The following DDX10 variants were observed in gnomAD, a reference collection of about 807,000 sequenced individuals.
DDX10 encodes the protein probable ATP-dependent RNA helicase DDX10.
In DDX10, 74 loss-of-function variants were observed where a neutral mutation model predicts 104.3. The ratio of observed to expected loss-of-function variants is 0.71; its 90% CI spans 0.59 to 0.86. DDX10 has a LOEUF of 0.86. Among genes scored for constraint, DDX10 ranks in the 40% least tolerant of loss-of-function variants. DDX10 has a pLI of 0.00. For synonymous variants in DDX10, 351 were observed against 353.4 expected (o/e 0.99, Z 0.08); for missense variants, 952 against 1,040.0 (o/e 0.92, Z 1.16).
intron 9 of DDX10, among the ~76,000 whole-genome samples, chr11:108,701,841 A>G (rs998353179): frequency 3.3e-5 from 5 of 151,848 alleles, no homozygotes; most frequent in Admixed American, 2.6e-4. Flanking sequence ...GTGCGCCACC[A>G]TACCTGGCTA....
Position 108,866,048 on chromosome 11 carries a change from G to T in DDX10, c.2304+13839G>T, listed in dbSNP as rs552572473. Among the ~76,000 whole-genome samples the T allele has an allele frequency of 6.6e-5, 10 of 152,308 alleles. No homozygotes were observed. The South Asian group carries it at 2.1e-3, about 32-fold the overall frequency. ...TGTACAAACTTCAGCTCTTGAAGTT[G>T]TAGGTAATAATGTTATTCCCATTTA... On this transcript the variant is annotated intron_variant, in intron 16 of 17. Transcript: ENST00000322536.
intron 1 of DDX10, 99 bp from the exon 2 acceptor site, chr11:108,673,368 C>G (rs1380577258): frequency 2.1e-5 from 16 of 775,656 alleles, no homozygotes; most frequent in African/African-American, 3.5e-5. Flanking sequence ...GAATTCAACC[C>G]TGAATTACCA....
chr11:108,694,030 G>A (rs1443091247), intron 9 of DDX10, among the ~76,000 whole-genome samples: 3 of 152,260 alleles, frequency 2.0e-5, no homozygotes, highest in South Asian at 4.2e-4. Context: ...CAAGTGGGTG[G>A]GGTCTTAAGC....
chr11:108,834,876 C>T (rs997012335), intron 13 of DDX10, among the ~76,000 whole-genome samples: 7 of 129,026 alleles, frequency 5.4e-5, no homozygotes, highest in African/African-American at 1.2e-4. Flanking sequence ...TGCAGTGAGC[C>T]GAGATCGCGC....
chr11:108,856,379 C>T (rs1347164918), intron 16 of DDX10, among the ~76,000 whole-genome samples: 1 of 151,522 alleles, frequency 6.6e-6, no homozygotes, highest in African/African-American at 2.4e-5. Flanking sequence ...TGCAGTGAGC[C>T]GAGATTACGC....
intron 13 of DDX10, among the ~76,000 whole-genome samples, chr11:108,759,430 C>T (rs1411950579): frequency 6.6e-6 from 1 of 151,906 alleles, no homozygotes; most frequent in African/African-American, 2.4e-5. Context: ...TGAACTTACG[C>T]TAACCATCGC....
At chr11:108,838,410 C>A in intron 13 of DDX10, 36 bp from the exon 14 acceptor site, 1 of 1,587,774 alleles carries the variant, frequency 6.3e-7, no homozygotes, top group Non-Finnish European at 8.5e-7. Context: ...CAACCATTTT[C>A]CTAATCATCT....
intron 15 of DDX10, among the ~76,000 whole-genome samples, chr11:108,841,871 T>A (rs1225622679): frequency 6.6e-6 from 1 of 152,210 alleles, no homozygotes; most frequent in Non-Finnish European, 1.5e-5. Flanking sequence ...TTTTTGGAAT[T>A]GGCTTTTTTC....
chr11:108,927,900 A>T (rs1296319955), intron 17 of DDX10, among the ~76,000 whole-genome samples: 1 of 152,194 alleles, frequency 6.6e-6, no homozygotes, highest in Non-Finnish European at 1.5e-5. Flanking sequence ...TGGCCTCCCA[A>T]AGTGCAGGGA....
At chr11:108,757,835 T>G (rs770312848) in intron 13 of DDX10, among the ~76,000 whole-genome samples, 4 of 152,084 alleles carry the variant, frequency 2.6e-5, no homozygotes, top group Non-Finnish European at 5.9e-5. Flanking sequence ...GCTTGCTGTT[T>G]TTACTATCGA....
At chr11:108,763,790 A>G (rs906376315) in intron 13 of DDX10, among the ~76,000 whole-genome samples, 9 of 152,332 alleles carry the variant, frequency 5.9e-5, no homozygotes, top group Admixed American at 2.6e-4. Flanking sequence ...AATAAAAAGC[A>G]AAGAGTTTTT....
intron 17 of DDX10, among the ~76,000 whole-genome samples, chr11:108,936,778 A>T (rs943502733): frequency 6.6e-6 from 1 of 152,166 alleles, no homozygotes; most frequent in African/African-American, 2.4e-5. Flanking sequence ...CCTTGTGCCT[A>T]AATCTTTGTC....
chr11:108,700,703 G>T (rs1052222168), intron 9 of DDX10, among the ~76,000 whole-genome samples: 1 of 152,158 alleles, frequency 6.6e-6, no homozygotes, highest in African/African-American at 2.4e-5. Context: ...ACTAATGACC[G>T]TGTACCCTTG....
chr11:108,722,464 T>C (rs2094299451), intron 12 of DDX10, among the ~76,000 whole-genome samples: 2 of 152,200 alleles, frequency 1.3e-5, no homozygotes, highest in Admixed American at 1.3e-4. Context: ...ATAGCAATGA[T>C]TGTGCCATAT....
chr11:108,778,698 T>A (rs2094373573), intron 13 of DDX10, among the ~76,000 whole-genome samples: 1 of 152,074 alleles, frequency 6.6e-6, no homozygotes, highest in Non-Finnish European at 1.5e-5. Flanking sequence ...ACAAATGGGA[T>A]CTAATTAAAC....
Position 108,723,383 on chromosome 11 carries a change from A to C in DDX10, c.1886A>C (p.Glu629Ala). The C allele has an allele frequency of 6.2e-7, 1 of 1,614,020 alleles. No homozygotes were observed. ...VPTQFLDRDE[E>A]EEDADFLKVK... Reference sequence around the variant, plus strand: ...ACACAGTTCTTGGACAGAGATGAGGAGGAAGAAGATGCTGATTTCTTGAAG... The same window carrying C: ...ACACAGTTCTTGGACAGAGATGAGGCGGAAGAAGATGCTGATTTCTTGAAG... The change falls in exon 13 of 18, where the codon GAG becomes GCG. Residue 629 changes from glutamate to alanine, a missense_variant. Around this residue, in one of 3 missense-constraint regions of DDX10, gnomAD observed 533 missense variants for 534.1 expected, o/e 1.00. Coordinates refer to ENST00000322536, the MANE Select transcript of DDX10 (RefSeq NM_004398.4).
chr11:108,809,879 T>A (rs956203425), intron 13 of DDX10, among the ~76,000 whole-genome samples: 1 of 152,206 alleles, frequency 6.6e-6, no homozygotes, highest in African/African-American at 2.4e-5. Context: ...ATAGCAGGCA[T>A]GTCAAAAATT....
At chr11:108,689,618 T>G (rs750235840) in intron 7 of DDX10, among the ~76,000 whole-genome samples, 2 of 152,204 alleles carry the variant, frequency 1.3e-5, no homozygotes, top group Non-Finnish European at 2.9e-5. Flanking sequence ...AAACACTTCT[T>G]GAACACTAGC....
At chr11:108,766,376 A>T (rs897200451) in intron 13 of DDX10, among the ~76,000 whole-genome samples, 36 of 152,194 alleles carry the variant, frequency 2.4e-4, no homozygotes, top group Admixed American at 2.0e-4. Context: ...CAGGATTTTT[A>T]AAATTCTTTA....
Sources: allele counts gnomAD v4.1 joint callset (sites outside exome capture counted in the v4.1 genomes callset), GRCh38; gene constraint gnomAD v4.1.1; regional missense constraint gnomAD v4.1.1; transcripts MANE v1.5; gene names NCBI Gene and HGNC (gene_info 2026-07-23, HGNC 2026-07-21).